PDE10A: variants seen among roughly 807,000 people sequenced by gnomAD.
The protein encoded by PDE10A is cAMP and cAMP-inhibited cGMP 3',5'-cyclic phosphodiesterase 10A.
A neutral mutation model predicts 97.7 loss-of-function variants in PDE10A; 39 were observed. That is an observed-to-expected ratio of 0.40 (90% CI 0.31 to 0.52). PDE10A has a LOEUF of 0.52. Ranked by LOEUF, PDE10A falls within the 20% of genes least tolerant of loss-of-function variation. The pLI is 0.56. For missense variants in PDE10A, 731 were observed against 1,047.8 expected (o/e 0.70, Z 4.17); for synonymous variants, 371 against 376.8 (o/e 0.98, Z 0.18).
chr6:165,544,721 G>A (rs564263222), intron 1 of PDE10A, among the ~76,000 whole-genome samples: 4 of 152,162 alleles, frequency 2.6e-5, no homozygotes, highest in Non-Finnish European at 1.5e-5. Context: ...ATTCTGCTGG[G>A]AACTAAAGTC....
At chr6:165,453,045 G>A (rs992274503) in intron 3 of PDE10A, among the ~76,000 whole-genome samples, 11 of 152,158 alleles carry the variant, frequency 7.2e-5, no homozygotes, top group African/African-American at 2.7e-4. Context: ...ACTCGCAACT[G>A]GAGTAAAAGC....
chr6:165,448,781 C>A (rs1249547646), intron 5 of PDE10A, 147 bp downstream of exon 5: 1 of 545,574 alleles, frequency 1.8e-6, no homozygotes, highest in Non-Finnish European at 3.2e-6. Context: ...AAATTCTTGA[C>A]TGGTAATAAC....
At chr6:165,575,432 T>C (rs1292383304) in intron 1 of PDE10A, among the ~76,000 whole-genome samples, 1 of 152,202 alleles carries the variant, frequency 6.6e-6, no homozygotes, top group Non-Finnish European at 1.5e-5. Context: ...CCAATGTTTC[T>C]CTGAACCTCT....
At chr6:165,962,012 G>C (rs970117169) in intron 1 of PDE10A, among the ~76,000 whole-genome samples, 3 of 152,170 alleles carry the variant, frequency 2.0e-5, no homozygotes, top group Non-Finnish European at 2.9e-5. Context: ...ACAGCTCTAA[G>C]GTCTAGTATT....
At chr6:165,963,533 A>G (rs1257839817) in intron 1 of PDE10A, among the ~76,000 whole-genome samples, 1 of 152,212 alleles carries the variant, frequency 6.6e-6, no homozygotes, top group African/African-American at 2.4e-5. Flanking sequence ...CTCATCTAAA[A>G]TGGGAGGACA....
At chr6:165,605,245 A>G (rs963955627) in intron 1 of PDE10A, among the ~76,000 whole-genome samples, 38 of 152,076 alleles carry the variant, frequency 2.5e-4, no homozygotes, top group African/African-American at 9.2e-4. Context: ...TCCAGAACCC[A>G]TATTAAAAAA....
intron 2 of PDE10A, among the ~76,000 whole-genome samples, chr6:165,517,717 G>A (rs9348010): frequency 6.6e-6 from 1 of 152,046 alleles, no homozygotes; most frequent in African/African-American, 2.4e-5. Context: ...TGCCAAGGAC[G>A]GGGTGAATGG....
At chr6:165,496,905 AT>A (rs1780569832) in intron 2 of PDE10A, among the ~76,000 whole-genome samples, 1 of 152,226 alleles carries the variant, frequency 6.6e-6, no homozygotes, top group African/African-American at 2.4e-5. Flanking sequence ...TGTTTTAAGC[AT>A]CAAAAGCTAA....
In PDE10A at chr6:165,814,843, C is replaced by A. The variant is rs139168546; in HGVS notation, c.-615+172686G>T. Among the ~76,000 whole-genome samples, 25 of 152,096 alleles carry A rather than the reference C, an allele frequency of 1.6e-4. No homozygotes were observed. The East Asian group carries it at 3.9e-3, about 24-fold the overall frequency. On this transcript the variant is annotated intron_variant, in intron 1 of 19. Transcript: ENST00000366882. ...CGTCACTCTGCGGCGTATGTCCAGGCGAGCTGTGCGTCAGTTCCGTTCCTC... is the reference window on the plus strand; with the variant it reads ...CGTCACTCTGCGGCGTATGTCCAGGAGAGCTGTGCGTCAGTTCCGTTCCTC...
rs559619773 is a variant in PDE10A at position 165,890,470 on chromosome 6, T to G, written c.-615+97059A>C. 1.1e-3 allele frequency among the ~76,000 whole-genome samples: 168 copies of G among 151,274 alleles called. 1 individual carries two copies. Among genetic ancestry groups the G allele is most frequent in the Non-Finnish European group, 1.7e-3 (114 of 67,578 alleles). ...CATGCCTTAAATCCTCAATTTTTTG[T>G]CCTCCTGAGTATGTGTGGACCTCAT... On this transcript the variant is annotated intron_variant, in intron 1 of 19. Coordinates refer to the PDE10A transcript ENST00000366882.
At chr6:165,422,388 CACGCATACACACAT>C (rs375803287) in intron 10 of PDE10A, among the ~76,000 whole-genome samples, 2,266 of 148,936 alleles carry the variant, frequency 0.015, 147 homozygotes, top group African/African-American at 0.053. Flanking sequence ...GGCATACACA[CACGCATACACACAT>C]ACGCATACAC....
intron 11 of PDE10A, among the ~76,000 whole-genome samples, chr6:165,417,903 A>G (rs566524174): frequency 6.6e-6 from 1 of 152,342 alleles, no homozygotes; most frequent in African/African-American, 2.4e-5. Flanking sequence ...GGTGTTATAC[A>G]GAAGATGAGT....
intron 1 of PDE10A, among the ~76,000 whole-genome samples, chr6:165,639,111 G>A (rs1006997130): frequency 2.3e-5 from 3 of 131,148 alleles, no homozygotes; most frequent in African/African-American, 7.7e-5. Flanking sequence ...GCAGGCAGGC[G>A]GCAGGAAGGA....
At chr6:165,603,081 T>C (rs1295163328) in intron 1 of PDE10A, among the ~76,000 whole-genome samples, 2 of 152,132 alleles carry the variant, frequency 1.3e-5, no homozygotes, top group African/African-American at 2.4e-5. Flanking sequence ...ATAGCAAAAG[T>C]AGTTACTAAT....
intron 1 of PDE10A, among the ~76,000 whole-genome samples, chr6:165,629,822 C>T (rs1241598865): frequency 1.3e-5 from 2 of 152,126 alleles, no homozygotes; most frequent in Non-Finnish European, 2.9e-5. Context: ...GCATCAGCCA[C>T]CACACGCAGC....
At chr6:165,485,072 T>C (rs113430283) in intron 2 of PDE10A, among the ~76,000 whole-genome samples, 3 of 152,288 alleles carry the variant, frequency 2.0e-5, no homozygotes, top group African/African-American at 7.2e-5. Context: ...CAACAGGTGA[T>C]GCACATTCTT....
chr6:165,650,497 T>C (rs1407586698), intron 1 of PDE10A, among the ~76,000 whole-genome samples: 2 of 151,964 alleles, frequency 1.3e-5, no homozygotes, highest in African/African-American at 2.4e-5. Flanking sequence ...TAAAAATGTA[T>C]CTGAGTGTGT....
intron 1 of PDE10A, among the ~76,000 whole-genome samples, chr6:165,658,934 C>G (rs189770418): frequency 6.6e-6 from 1 of 152,196 alleles, no homozygotes; most frequent in South Asian, 2.1e-4. Flanking sequence ...CTAGGGGACT[C>G]TGTCTCTATT....
At chr6:165,376,467 A>G (rs1373462002) in intron 18 of PDE10A, among the ~76,000 whole-genome samples, 11 of 152,260 alleles carry the variant, frequency 7.2e-5, no homozygotes, top group Admixed American at 5.9e-4. Flanking sequence ...TTGACAAAGC[A>G]GGGGCAGGGT....
Sources: gnomAD v4.1 joint callset for allele counts (sites outside exome capture counted in the v4.1 genomes callset) on GRCh38, gnomAD v4.1.1 for gene constraint, MANE v1.5 for transcripts, NCBI Gene and HGNC (gene_info 2026-07-23, HGNC 2026-07-21) for gene names.